The following PDE1A variants were observed in gnomAD, a reference collection of about 807,000 sequenced individuals.
PDE1A encodes phosphodiesterase 1A.
In PDE1A, 35 loss-of-function variants were observed where a neutral mutation model predicts 61.7. That is an observed-to-expected ratio of 0.57 (90% CI 0.43 to 0.75). PDE1A has a LOEUF of 0.75. Among genes scored for constraint, PDE1A ranks in the 30% least tolerant of loss-of-function variants. The pLI is 0.00. For missense variants in PDE1A, 597 were observed against 630.6 expected, an observed-to-expected ratio of 0.95 and a Z score of 0.57; for synonymous variants, 232 against 213.2, an observed-to-expected ratio of 1.09 and a Z score of -0.77.
chr2:182,356,597 A>C (rs1699194429), intron 1 of PDE1A, among the ~76,000 whole-genome samples: 1 of 152,118 alleles, frequency 6.6e-6, no homozygotes, highest in African/African-American at 2.4e-5. Flanking sequence ...AGAAAATACA[A>C]AAATTAGTGG....
chr2:182,354,483 T>C (rs1032633013), intron 1 of PDE1A, among the ~76,000 whole-genome samples: 2 of 152,180 alleles, frequency 1.3e-5, no homozygotes, highest in African/African-American at 4.8e-5. Context: ...GACAACCATC[T>C]GGATGCAAGT....
chr2:182,464,235 G>A (rs772452715), intron 2 of PDE1A, among the ~76,000 whole-genome samples: 7 of 152,094 alleles, frequency 4.6e-5, no homozygotes, highest in African/African-American at 1.4e-4. Context: ...TCAATGACAC[G>A]TGTTAAAGCA....
At chr2:182,379,167 A>G (rs1574494558) in intron 1 of PDE1A, among the ~76,000 whole-genome samples, 1 of 152,234 alleles carries the variant, frequency 6.6e-6, no homozygotes, top group East Asian at 1.9e-4. Context: ...GTAAAAAAAA[A>G]TTCCATCCTA....
At chr2:182,400,646 A>C (rs1427642075) in intron 1 of PDE1A, among the ~76,000 whole-genome samples, 1 of 152,144 alleles carries the variant, frequency 6.6e-6, no homozygotes, top group Non-Finnish European at 1.5e-5. Context: ...TTTTCATTCA[A>C]AGGAGCCACT....
At chr2:182,195,837 C>T (rs1574647982) in intron 10 of PDE1A, among the ~76,000 whole-genome samples, 1 of 151,938 alleles carries the variant, frequency 6.6e-6, no homozygotes, top group Admixed American at 6.6e-5. Context: ...TGAGGATGAA[C>T]AAAAATAAAA....
intron 1 of PDE1A, among the ~76,000 whole-genome samples, chr2:182,324,726 CT>C (rs1559338342): frequency 6.6e-6 from 1 of 152,124 alleles, no homozygotes; most frequent in Admixed American, 6.5e-5. Context: ...GGAACTTGTT[CT>C]TTTTTTGTTC....
chr2:182,187,438 C>T (rs906168462), intron 11 of PDE1A, among the ~76,000 whole-genome samples: 1 of 152,128 alleles, frequency 6.6e-6, no homozygotes, highest in Admixed American at 6.5e-5. Context: ...TGCCTCAAGT[C>T]AAGAATTGTT....
chr2:182,182,218 A>C (rs1684823282), intron 13 of PDE1A, among the ~76,000 whole-genome samples: 1 of 152,210 alleles, frequency 6.6e-6, no homozygotes, highest in Admixed American at 6.5e-5. Context: ...CCTATATACA[A>C]ATAATGTGTA....
chr2:182,546,952 T>C, the PDE1A span, among the ~76,000 whole-genome samples: 4 of 152,204 alleles, frequency 2.6e-5, no homozygotes, highest in Admixed American at 2.0e-4. Flanking sequence ...CAAGTTGCTA[T>C]TTCATCAAAA....
intron 1 of PDE1A, among the ~76,000 whole-genome samples, chr2:182,307,188 T>C (rs942848530): frequency 3.9e-5 from 6 of 152,238 alleles, no homozygotes; most frequent in African/African-American, 1.2e-4. Flanking sequence ...CCAACAGATA[T>C]ATGAAAAAAT....
Position 182,455,772 on chromosome 2 carries a change from G to A in PDE1A, c.101+66504C>T, listed in dbSNP as rs191869094. Among the ~76,000 whole-genome samples, 505 of 152,128 alleles carry A rather than the reference G, an allele frequency of 3.3e-3. 3 individuals are homozygous for A. The highest frequency in any genetic ancestry group is 0.012 in the African/African-American group (482 of 41,496). On this transcript the variant is annotated intron_variant, in intron 2 of 14. Coordinates refer to the PDE1A transcript ENST00000410103. ...GGGACTGTTGTGGGTGGGGGAATGGGGGAGGGAAAGCATTAGGAGATATAC... is the reference window on the plus strand; with the variant it reads ...GGGACTGTTGTGGGTGGGGGAATGGAGGAGGGAAAGCATTAGGAGATATAC...
At chr2:182,398,606 G>C (rs1701834119) in intron 1 of PDE1A, among the ~76,000 whole-genome samples, 1 of 151,926 alleles carries the variant, frequency 6.6e-6, no homozygotes, top group Non-Finnish European at 1.5e-5. Context: ...AGATGACTGT[G>C]ATAATTACAC....
At chr2:182,392,730 A>C (rs1574535546) in intron 1 of PDE1A, among the ~76,000 whole-genome samples, 1 of 152,354 alleles carries the variant, frequency 6.6e-6, no homozygotes, top group East Asian at 1.9e-4. Context: ...AATTGGCCAA[A>C]ATGAAGGGGC....
intron 1 of PDE1A, among the ~76,000 whole-genome samples, chr2:182,280,641 C>A (rs1403480910): frequency 6.6e-6 from 1 of 151,870 alleles, no homozygotes; most frequent in Non-Finnish European, 1.5e-5. Context: ...CTGCCAGTTA[C>A]CACTATTCCT....
exon 15 of PDE1A, chr2:182,141,209 C>T (rs1264173677): frequency 3.3e-5 from 5 of 151,954 alleles, no homozygotes. Context: ...ACAACTGGCT[C>T]AAATAGGAAC....
intron 1 of PDE1A, among the ~76,000 whole-genome samples, chr2:182,406,605 G>A (rs2125488892): frequency 6.6e-6 from 1 of 152,218 alleles, no homozygotes; most frequent in South Asian, 2.1e-4. Context: ...TAGTTAGCAT[G>A]TTGGATATTG....
At chr2:182,310,905 A>G (rs767585702) in intron 1 of PDE1A, among the ~76,000 whole-genome samples, 34 of 152,166 alleles carry the variant, frequency 2.2e-4, no homozygotes, top group Non-Finnish European at 4.0e-4. Context: ...TGATATACTC[A>G]ACTTTTATGC....
At chr2:182,639,110 A>T in the PDE1A span, among the ~76,000 whole-genome samples, 3 of 152,240 alleles carry the variant, frequency 2.0e-5, no homozygotes, top group African/African-American at 7.2e-5. Context: ...AGTAGATAAA[A>T]ACTTGGATTA....
the PDE1A span, among the ~76,000 whole-genome samples, chr2:182,639,102 T>C: frequency 3.0e-3 from 456 of 152,268 alleles, no homozygotes; most frequent in African/African-American, 0.01. Context: ...ACATCATAAG[T>C]AGATAAAAAC....
Sources: allele counts gnomAD v4.1 joint callset (sites outside exome capture counted in the v4.1 genomes callset), GRCh38; gene constraint gnomAD v4.1.1; transcripts MANE v1.5; gene names NCBI Gene and HGNC (gene_info 2026-07-23, HGNC 2026-07-21).